DCC: variants seen among roughly 807,000 people sequenced by gnomAD.
DCC encodes the protein DCC netrin 1 receptor.
DCC carries 58 observed loss-of-function variants against 172.5 expected under a neutral mutation model. The observed-to-expected ratio is 0.34, with a 90% CI of 0.27 to 0.42. The LOEUF is 0.42. DCC is among the 10% of genes least tolerant of loss of function. DCC has a pLI of 1.00. For missense variants in DCC, 1,740 were observed against 1,791.0 expected (o/e 0.97, Z 0.51); for synonymous variants, 709 against 644.5 (o/e 1.10, Z -1.52).
intron 7 of DCC, among the ~76,000 whole-genome samples, chr18:53,097,955 G>T (rs2043111299): frequency 6.6e-6 from 1 of 152,052 alleles, no homozygotes; most frequent in African/African-American, 2.4e-5. Flanking sequence ...CACATTGGGG[G>T]TTAGAGCTTC....
intron 1 of DCC, among the ~76,000 whole-genome samples, chr18:52,466,742 A>G (rs1988794866): frequency 6.6e-6 from 1 of 152,168 alleles, no homozygotes; most frequent in Non-Finnish European, 1.5e-5. Flanking sequence ...TTCAAATTAG[A>G]ACACACTGCA....
chr18:52,574,198 C>T lies in DCC; in HGVS notation c.92-177856C>T, dbSNP rs562741957. ...TAAAAGTATATTGATTATATGCTTC[C>T]GAGTTTTTGATCTCCTGTGAAATGT... On this transcript the variant is annotated intron_variant, in intron 1 of 28. Coordinates refer to ENST00000442544, the MANE Select transcript of DCC (RefSeq NM_005215.4). Among the ~76,000 whole-genome samples the T allele has an allele frequency of 9.2e-5, 14 of 152,168 alleles. No individual in the cohort carries two copies. In the South Asian group the frequency reaches 2.1e-3, roughly 23 times the overall value.
In DCC at chr18:52,654,891, CT is replaced by C. The variant is rs1394007050; in HGVS notation, c.92-97161del. On this transcript the variant is annotated intron_variant, in intron 1 of 28. Coordinates refer to ENST00000442544, the MANE Select transcript of DCC (RefSeq NM_005215.4). ...TTTCTTCAAAATTAAGGACCTCTCT[CT>C]TCTACCTGCTTCACTCAACTGCTTT... Among the ~76,000 whole-genome samples, 4 of 152,170 alleles carry C rather than the reference CT, an allele frequency of 2.6e-5. No homozygotes were observed. In the East Asian group the frequency reaches 7.7e-4, roughly 29 times the overall value.
intron 12 of DCC, among the ~76,000 whole-genome samples, chr18:53,245,821 C>T (rs1022990896): frequency 6.6e-6 from 1 of 152,038 alleles, no homozygotes; most frequent in African/African-American, 2.4e-5. Flanking sequence ...TCTATGCAAA[C>T]GTCAAGGTCA....
At chr18:53,094,530 A>G (rs2043057293) in intron 7 of DCC, among the ~76,000 whole-genome samples, 1 of 152,348 alleles carries the variant, frequency 6.6e-6, no homozygotes, top group East Asian at 1.9e-4. Context: ...ATCCCTGTGG[A>G]ATTCTTAAAT....
At chr18:53,067,371 A>AT (rs893735012) in intron 7 of DCC, among the ~76,000 whole-genome samples, 4 of 151,928 alleles carry the variant, frequency 2.6e-5, no homozygotes, top group Admixed American at 2.0e-4. Flanking sequence ...AAATAAAAAA[A>AT]ATATATATTT....
chr18:53,270,099 A>C (rs1347188907), intron 12 of DCC, among the ~76,000 whole-genome samples: 1 of 152,184 alleles, frequency 6.6e-6, no homozygotes, highest in Non-Finnish European at 1.5e-5. Flanking sequence ...TGCAATTTGT[A>C]GTAGACAACC....
intron 12 of DCC, among the ~76,000 whole-genome samples, chr18:53,304,980 C>T (rs2144781666): frequency 6.6e-6 from 1 of 152,208 alleles, no homozygotes; most frequent in East Asian, 1.9e-4. Flanking sequence ...CTGTGCTGTT[C>T]TCATGATAGT....
chr18:53,002,953 T>G (rs1599017994), intron 5 of DCC, among the ~76,000 whole-genome samples: 1 of 152,000 alleles, frequency 6.6e-6, no homozygotes, highest in East Asian at 1.9e-4. Context: ...GATCCCAACA[T>G]ATTAGGAGGC....
intron 7 of DCC, among the ~76,000 whole-genome samples, chr18:53,098,029 A>T (rs921360531): frequency 6.6e-5 from 10 of 152,092 alleles, no homozygotes; most frequent in Admixed American, 1.3e-4. Flanking sequence ...GCCTTCTCAG[A>T]TTACATCAGT....
chr18:52,340,411 C>T lies in DCC; in HGVS notation c.-377C>T, dbSNP rs1568122481. ...GCCCGGCCACAGGATTGCCTTCCAT[C>T]TCCTCTTGGTCCCTCCTGGATGTGG... On this transcript the variant is annotated 5_prime_UTR_variant, in exon 1 of 29. Transcript: ENST00000442544. The T allele has an allele frequency of 6.8e-6, 2 of 296,174 alleles. No individual in the cohort carries two copies. Among genetic ancestry groups the T allele is most frequent in the Admixed American group, 4.3e-5 (1 of 23,286 alleles). 18.3% of individuals were successfully genotyped at this position (296,174 alleles called of 1,614,324 possible). A position where few individuals can be genotyped will look rare whatever the true frequency, so the allele number is the denominator to read the frequency against.
intron 9 of DCC, among the ~76,000 whole-genome samples, chr18:53,194,983 T>C (rs1480262470): frequency 6.6e-6 from 1 of 152,192 alleles, no homozygotes; most frequent in Non-Finnish European, 1.5e-5. Context: ...TGATTTCAGG[T>C]AACAATATTA....
chr18:52,958,506 A>G (rs2040784535), intron 5 of DCC, among the ~76,000 whole-genome samples: 1 of 152,144 alleles, frequency 6.6e-6, no homozygotes, highest in South Asian at 2.1e-4. Context: ...AAGGGTGGTT[A>G]AGACACAGGT....
chr18:52,552,240 A>T (rs1344384448), intron 1 of DCC, among the ~76,000 whole-genome samples: 8 of 152,026 alleles, frequency 5.3e-5, no homozygotes, highest in Admixed American at 1.3e-4. Context: ...AGGAATTAGG[A>T]GGGCAAAGCA....
chr18:53,280,421 A>C (rs993753816), intron 12 of DCC, among the ~76,000 whole-genome samples: 1 of 152,148 alleles, frequency 6.6e-6, no homozygotes, highest in Admixed American at 6.6e-5. Flanking sequence ...GAAAATAGTT[A>C]TTCCACATTT....
chr18:52,633,768 C>G (rs1295030883), intron 1 of DCC, among the ~76,000 whole-genome samples: 1 of 152,146 alleles, frequency 6.6e-6, no homozygotes, highest in Non-Finnish European at 1.5e-5. Context: ...AACACTGTAA[C>G]AGAGACAGGA....
intron 1 of DCC, among the ~76,000 whole-genome samples, chr18:52,532,934 A>C (rs993082627): frequency 6.6e-6 from 1 of 152,136 alleles, no homozygotes; most frequent in Non-Finnish European, 1.5e-5. Context: ...ACCTATTAGT[A>C]GTCAGACTCA....
chr18:52,829,723 T>C (rs991992072), intron 2 of DCC, among the ~76,000 whole-genome samples: 3 of 152,174 alleles, frequency 2.0e-5, no homozygotes, highest in Non-Finnish European at 2.9e-5. Context: ...ACTGAGTGTA[T>C]ACTTTTTGCC....
At chr18:52,357,540 A>G (rs1984422209) in intron 1 of DCC, among the ~76,000 whole-genome samples, 1 of 152,210 alleles carries the variant, frequency 6.6e-6, no homozygotes, top group African/African-American at 2.4e-5. Context: ...AGAGACTTAG[A>G]TAAATCCCCT....
Sources: gnomAD v4.1 joint callset for allele counts (sites outside exome capture counted in the v4.1 genomes callset) on GRCh38, gnomAD v4.1.1 for gene constraint, MANE v1.5 for transcripts, NCBI Gene and HGNC (gene_info 2026-07-23, HGNC 2026-07-21) for gene names.